The following C3orf85 variants were observed in gnomAD, a reference collection of about 807,000 sequenced individuals.
The protein encoded by C3orf85 is chromosome 3 open reading frame 85, also known as uncharacterized protein C3orf85.
Under a neutral mutation model 1.7 loss-of-function variants are expected in C3orf85, and 1 was observed. The ratio of observed to expected loss-of-function variants is 0.60; its 90% CI spans 0.21 to 2.86. The LOEUF is 2.86. Ranked by LOEUF, C3orf85 falls within the 30% of genes most tolerant of loss-of-function variation. The pLI is 0.22. For missense variants in C3orf85, 29 were observed against 21.3 expected (o/e 1.36, Z -0.72); for synonymous variants, 17 against 8.0 (o/e 2.13, Z -1.90).
At chr3:109,136,777 C>T (rs1706681752) in intron 1 of C3orf85, 36 bp downstream of exon 1, 1 of 401,670 alleles carries the variant, frequency 2.5e-6, no homozygotes, top group Non-Finnish European at 4.4e-6. Context: ...TGAAAAGTAC[C>T]TGATATACCC....
At position 109,142,391 on chromosome 3, in the gene C3orf85, T is replaced by C. The variant is rs78729953; in HGVS notation, c.49+5495T>C. ...TTAGGTACTTATGCTGAGTGCTAAG[T>C]GCTTTACTTTCACCATCCCATACGT... On this transcript the variant is annotated intron_variant, in intron 2 of 3. Coordinates refer to ENST00000622536, the MANE Select transcript of C3orf85 (RefSeq NM_001351622.2). 4.5e-3 allele frequency among the ~76,000 whole-genome samples: 691 copies of C among 152,302 alleles called. 3 individuals carry two copies. Among genetic ancestry groups the C allele is most frequent in the African/African-American group, 0.015 (639 of 41,572 alleles).
rs150519958 is a variant in C3orf85 at position 109,150,191 on chromosome 3, C to CAA, written c.*299_*300dup. The CAA allele has an allele frequency of 9.0e-5, 16 of 178,446 alleles. No homozygotes were observed. Among genetic ancestry groups the CAA allele is most frequent in the East Asian group, 5.6e-4 (4 of 7,190 alleles). The allele number at this position is 178,446 out of a possible 1,614,324, so 11.1% of individuals were successfully genotyped here. A position where few individuals can be genotyped will look rare whatever the true frequency, so the allele number is the denominator to read the frequency against. On this transcript the variant is annotated 3_prime_UTR_variant, in exon 4 of 4. Transcript: ENST00000622536. Reference sequence around the variant, plus strand: ...GGGAAAAGGAAAGCAAAAACATAAACAAAGAAAAGTAGTTTCATTAAACCA... The same window carrying CAA: ...GGGAAAAGGAAAGCAAAAACATAAACAAAAAGAAAAGTAGTTTCATTAAACCA...
At chr3:109,147,285 A>G (rs1706810988) in intron 2 of C3orf85, among the ~76,000 whole-genome samples, 1 of 152,210 alleles carries the variant, frequency 6.6e-6, no homozygotes, top group African/African-American at 2.4e-5. Flanking sequence ...TGGATCCCAA[A>G]TAAACAGAGA....
intron 2 of C3orf85, among the ~76,000 whole-genome samples, chr3:109,138,575 T>C (rs545018128): frequency 2.2e-4 from 33 of 152,374 alleles, no homozygotes; most frequent in Middle Eastern, 3.4e-3. Flanking sequence ...TTTATTTTCA[T>C]GTTTTTTAAG....
At position 109,150,122 on chromosome 3, in the gene C3orf85, A is replaced by C. The variant is rs1706852882; in HGVS notation, c.*228A>C. 3.7e-6 allele frequency: 1 copy of C among 271,462 alleles called. No individual in the cohort carries two copies. The highest frequency in any genetic ancestry group is 6.8e-6 in the Non-Finnish European group (1 of 146,408). 16.8% of individuals were successfully genotyped at this position (271,462 alleles called of 1,614,324 possible). A position where few individuals can be genotyped will look rare whatever the true frequency, so the allele number is the denominator to read the frequency against. On this transcript the variant is annotated 3_prime_UTR_variant, in exon 4 of 4. Transcript: ENST00000622536. ...GTTCTCAAAAAAAGAACTAAAAAAA[A>C]AAAAGGCTGTAGTAATAACATTTAC...
Position 109,144,218 on chromosome 3 carries a change from C to G in C3orf85, c.50-4035C>G, listed in dbSNP as rs1706771286. The stretch of plus-strand genomic sequence containing the variant: ...ACAAACACAAAACCCTGGTCTTGCT[C>G]TCACTAACTTTCAAGGTTGATCAGG... On this transcript the variant is annotated intron_variant, in intron 2 of 3. Coordinates refer to ENST00000622536, the MANE Select transcript of C3orf85 (RefSeq NM_001351622.2). Among the ~76,000 whole-genome samples, 4 of 152,274 alleles carry G rather than the reference C, an allele frequency of 2.6e-5. No homozygotes were observed. In the South Asian group the frequency reaches 6.2e-4, roughly 24 times the overall value.
At position 109,149,861 on chromosome 3, in the gene C3orf85, T is replaced by A; in HGVS notation, c.240T>A (p.Asn80Lys). Residue 80 changes from asparagine to lysine, a missense_variant, in exon 4 of 4, where the codon AAT becomes AAA. Coordinates refer to ENST00000622536, the MANE Select transcript of C3orf85 (RefSeq NM_001351622.2). ...CAGCACAGTATTATTTGGATATGAA[T>A]ACCTTCACCTTTGACATGTCTACTG... ...KTTAQYYLDM[N>K]TFTFDMSTAQ 1 of 398,452 alleles carries A rather than the reference T, an allele frequency of 2.5e-6. No homozygotes were observed. The highest frequency in any genetic ancestry group is 4.4e-6 in the Non-Finnish European group (1 of 225,624). 24.7% of individuals were successfully genotyped at this position (398,452 alleles called of 1,614,324 possible).
intron 2 of C3orf85, among the ~76,000 whole-genome samples, chr3:109,141,010 G>A (rs965680645): frequency 4.6e-5 from 7 of 152,148 alleles, no homozygotes; most frequent in East Asian, 1.9e-4. Flanking sequence ...TTTTTGAGAC[G>A]GAGTCTCTCT....
chr3:109,141,996 T>C (rs1248619609), intron 2 of C3orf85, among the ~76,000 whole-genome samples: 1 of 152,196 alleles, frequency 6.6e-6, no homozygotes, highest in Non-Finnish European at 1.5e-5. Context: ...GCCACTGCAC[T>C]CTAGTCTGGG....
Position 109,150,060 on chromosome 3 carries a change from G to T in C3orf85, c.*166G>T. ...GAAAACAGTAGTTATGAAAACCCATGTAGGAAACTGGAATAAGACATTCTC... is the reference window on the plus strand; with the variant it reads ...GAAAACAGTAGTTATGAAAACCCATTTAGGAAACTGGAATAAGACATTCTC... On this transcript the variant is annotated 3_prime_UTR_variant, in exon 4 of 4. Coordinates refer to ENST00000622536, the MANE Select transcript of C3orf85 (RefSeq NM_001351622.2). 2.8e-6 allele frequency: 1 copy of T among 354,280 alleles called. No individual in the cohort carries two copies. The allele number at this position is 354,280 out of a possible 1,614,324, so 21.9% of individuals were successfully genotyped here.
At chr3:109,137,613 G>T (rs1006444897) in intron 2 of C3orf85, among the ~76,000 whole-genome samples, 11 of 89,934 alleles carry the variant, frequency 1.2e-4, no homozygotes, top group Admixed American at 2.6e-4. Context: ...CTAGATAGAT[G>T]TATATATGTG....
chr3:109,148,445 T>C (rs1706824869), intron 3 of C3orf85, 59 bp downstream of exon 3: 1 of 700,788 alleles, frequency 1.4e-6, no homozygotes, highest in Non-Finnish European at 2.6e-6. Flanking sequence ...AGTCATTGCA[T>C]TAGCTGACCA....
chr3:109,144,876 A>G (rs72937347), intron 2 of C3orf85, among the ~76,000 whole-genome samples: 2,768 of 152,336 alleles, frequency 0.018, 70 homozygotes, highest in African/African-American at 0.052. Context: ...TGTTTTGAAA[A>G]AAACACCTAT....
At chr3:109,142,183 C>T (rs944920101) in intron 2 of C3orf85, among the ~76,000 whole-genome samples, 1 of 152,108 alleles carries the variant, frequency 6.6e-6, no homozygotes. Context: ...TTTATATATC[C>T]TTTTCTCCAG....
At chr3:109,148,529 C>T (rs539320648) in intron 3 of C3orf85, 143 bp downstream of exon 3, 19 of 597,668 alleles carry the variant, frequency 3.2e-5, no homozygotes, top group East Asian at 1.2e-4. Flanking sequence ...CTTTTTCTTG[C>T]CCATGAAGTG....
intron 2 of C3orf85, among the ~76,000 whole-genome samples, chr3:109,140,929 G>T (rs1559968825): frequency 6.6e-6 from 1 of 152,184 alleles, no homozygotes; most frequent in Non-Finnish European, 1.5e-5. Context: ...TGAGTTAAAA[G>T]GTCAGTTAGA....
At chr3:109,140,256 C>T (rs932216861) in intron 2 of C3orf85, among the ~76,000 whole-genome samples, 3 of 152,230 alleles carry the variant, frequency 2.0e-5, no homozygotes, top group Non-Finnish European at 2.9e-5. Flanking sequence ...AGATTAGGTT[C>T]GCAGACACTT....
At chr3:109,137,637 G>GTA (rs1553767249) in intron 2 of C3orf85, among the ~76,000 whole-genome samples, 3,644 of 79,846 alleles carry the variant, frequency 0.046, 89 homozygotes, top group South Asian at 0.098. Flanking sequence ...GTGTGTGTGT[G>GTA]TATATATATA....
intron 2 of C3orf85, among the ~76,000 whole-genome samples, chr3:109,147,306 G>C (rs753175966): frequency 1.3e-4 from 20 of 152,152 alleles, no homozygotes; most frequent in Non-Finnish European, 2.5e-4. Context: ...GCCCCATAGA[G>C]GGGAATTTTT....
Sources: allele counts gnomAD v4.1 joint callset (sites outside exome capture counted in the v4.1 genomes callset), GRCh38; gene constraint gnomAD v4.1.1; transcripts MANE v1.5; gene names NCBI Gene and HGNC (gene_info 2026-07-23, HGNC 2026-07-21).